The following LINGO1 variants were observed in gnomAD, a reference collection of about 807,000 sequenced individuals.
LINGO1 encodes leucine-rich repeat and immunoglobulin-like domain-containing nogo receptor-interacting protein 1.
LINGO1 carries 11 observed loss-of-function variants against 37.3 expected under a neutral mutation model. The observed-to-expected ratio is 0.29, with a 90% CI of 0.19 to 0.49. The LOEUF (loss-of-function observed/expected upper bound fraction) is 0.49. Among genes scored for constraint, LINGO1 ranks in the 20% least tolerant of loss-of-function variants. The pLI, the probability that LINGO1 is intolerant of heterozygous loss-of-function variation, is 0.99. For synonymous variants in LINGO1, 387 were observed against 403.0 expected (o/e 0.96, Z 0.48); for missense variants, 585 against 878.2 (o/e 0.67, Z 4.22).
In LINGO1 at chr15:77,649,876, C is replaced by A. The variant is rs144628695; in HGVS notation, c.-13+27213G>T. 8.8e-3 allele frequency among the ~76,000 whole-genome samples: 1,343 copies of A among 152,050 alleles called. 8 individuals are homozygous for A. Among genetic ancestry groups the A allele is most frequent in the Middle Eastern group, 0.017 (5 of 294 alleles). On this transcript the variant is annotated intron_variant, in intron 3 of 3. Coordinates refer to the LINGO1 transcript ENST00000559893. ...AAGGGTGGAGATCTTTTCCCCGCGA[C>A]TCCTACCACCAACTCTGTCACCCCA...
At chr15:77,656,876 C>T (rs868810578) in intron 3 of LINGO1, among the ~76,000 whole-genome samples, 15 of 152,202 alleles carry the variant, frequency 9.9e-5, no homozygotes, top group South Asian at 2.1e-4. Context: ...GGCACCCTGG[C>T]TGCCAGCCCC....
At chr15:77,685,683 C>T (rs1356523099) in intron 2 of LINGO1, among the ~76,000 whole-genome samples, 1 of 135,428 alleles carries the variant, frequency 7.4e-6, no homozygotes, top group South Asian at 2.3e-4. Flanking sequence ...CATAGTGAGA[C>T]CCCGTCTTAA....
At chr15:77,660,486 C>T (rs1039670772) in intron 3 of LINGO1, among the ~76,000 whole-genome samples, 4 of 152,168 alleles carry the variant, frequency 2.6e-5, no homozygotes, top group Admixed American at 1.3e-4. Context: ...TCTCCCGAGG[C>T]GACCTCAGCA....
Position 77,721,768 on chromosome 15 carries a change from G to A in LINGO1, c.-195+13224C>T, listed in dbSNP as rs542854980. Reference sequence around the variant, plus strand: ...CCTTGGGCTTGGGGACCAGGCTTGGGGCAGCTCTCAGGATGTATGACCTCG... The same window carrying A: ...CCTTGGGCTTGGGGACCAGGCTTGGAGCAGCTCTCAGGATGTATGACCTCG... On this transcript the variant is annotated intron_variant, in intron 2 of 3. Coordinates refer to the LINGO1 transcript ENST00000561686. 2.6e-5 allele frequency among the ~76,000 whole-genome samples: 4 copies of A among 152,158 alleles called. No homozygotes were observed. The South Asian group carries it at 6.2e-4, about 24-fold the overall frequency.
At chr15:77,702,868 T>C (rs2075802553) in intron 2 of LINGO1, among the ~76,000 whole-genome samples, 1 of 152,196 alleles carries the variant, frequency 6.6e-6, no homozygotes, top group Admixed American at 6.5e-5. Flanking sequence ...ACAATGCAGC[T>C]CTTGCTCCCT....
rs144278235 is a variant in LINGO1, at chr15:77,647,845, T to C, written c.-13+29244A>G. On this transcript the variant is annotated intron_variant, in intron 3 of 3. Coordinates refer to the LINGO1 transcript ENST00000559893. ...TTTTCTTTTTGGCCCTCAGCACTTTTCCTGGAAGGGAACAGCTGGGCTGCT... is the reference window on the plus strand; with the variant it reads ...TTTTCTTTTTGGCCCTCAGCACTTTCCCTGGAAGGGAACAGCTGGGCTGCT... 5.2e-4 allele frequency: 237 copies of C among 456,634 alleles called. 1 individual carries two copies. Among genetic ancestry groups the C allele is most frequent in the Admixed American group, 4.0e-3 (172 of 42,574 alleles). The allele number at this position is 456,634 out of a possible 1,614,324, so 28.3% of individuals were successfully genotyped here.
intron 1 of LINGO1, among the ~76,000 whole-genome samples, chr15:77,804,701 C>G (rs1474279047): frequency 1.3e-5 from 2 of 152,170 alleles, no homozygotes; most frequent in Non-Finnish European, 2.9e-5. Flanking sequence ...TGCAGTCTGC[C>G]CACCCAGCAG....
intron 2 of LINGO1, among the ~76,000 whole-genome samples, chr15:77,794,812 G>A (rs1374128548): frequency 2.6e-5 from 4 of 151,712 alleles, no homozygotes; most frequent in East Asian, 1.9e-4. Flanking sequence ...GGATGGTCTC[G>A]ATCTCCTGAC....
intron 1 of LINGO1, among the ~76,000 whole-genome samples, chr15:77,776,359 A>G (rs146467383): frequency 6.7e-6 from 1 of 149,502 alleles, no homozygotes; most frequent in East Asian, 2.0e-4. Context: ...CCCCTCCACC[A>G]TGGATTCCCT....
At chr15:77,623,733 G>A (rs1489877479) in intron 1 of LINGO1, among the ~76,000 whole-genome samples, 4 of 143,310 alleles carry the variant, frequency 2.8e-5, no homozygotes, top group Non-Finnish European at 4.5e-5. Flanking sequence ...AAAAACCAAC[G>A]TGGAAGAAAA....
At chr15:77,682,914 G>A (rs1407368140) in intron 2 of LINGO1, among the ~76,000 whole-genome samples, 1 of 152,122 alleles carries the variant, frequency 6.6e-6, no homozygotes, top group Non-Finnish European at 1.5e-5. Context: ...GCTTCTCTAT[G>A]ACCAAAGATA....
chr15:77,777,370 TACAC>T (rs2076668092), intron 1 of LINGO1, among the ~76,000 whole-genome samples: 1 of 36,140 alleles, frequency 2.8e-5, no homozygotes, highest in Admixed American at 2.3e-4. Context: ...CATACACATA[TACAC>T]ACACAAATAC....
rs2076943891 is a variant in LINGO1 at position 77,804,487 on chromosome 15, C to T, written c.-457-8434G>A. Among the ~76,000 whole-genome samples the T allele has an allele frequency of 4.6e-5, 7 of 152,142 alleles. No homozygotes were observed. In the South Asian group the frequency reaches 8.3e-4, roughly 18 times the overall value. On this transcript the variant is annotated intron_variant, in intron 1 of 5. Coordinates refer to the LINGO1 transcript ENST00000562933. ...GGGGTGAGCTCCCCATCGGGGAGGGCGAGAGCACAGGCTGGATAGGCAGAG... is the reference window on the plus strand; with the variant it reads ...GGGGTGAGCTCCCCATCGGGGAGGGTGAGAGCACAGGCTGGATAGGCAGAG...
At chr15:77,725,427 G>A (rs1567549019) in intron 2 of LINGO1, among the ~76,000 whole-genome samples, 2 of 152,106 alleles carry the variant, frequency 1.3e-5, no homozygotes, top group South Asian at 4.1e-4. Flanking sequence ...GCACAGTGGC[G>A]TTGCACCCAA....
intron 1 of LINGO1, among the ~76,000 whole-genome samples, chr15:77,742,478 G>A (rs953721885): frequency 1.2e-4 from 18 of 152,220 alleles, no homozygotes; most frequent in African/African-American, 4.1e-4. Flanking sequence ...CTAAGGTGCA[G>A]GGTGGGGATG....
intron 1 of LINGO1, among the ~76,000 whole-genome samples, chr15:77,756,471 A>T (rs1170243629): frequency 1.4e-5 from 2 of 140,840 alleles, no homozygotes; most frequent in Non-Finnish European, 3.0e-5. Context: ...CTGACATACA[A>T]TGACAGACAG....
At chr15:77,812,987 G>A (rs527706818) in intron 1 of LINGO1, among the ~76,000 whole-genome samples, 1 of 152,234 alleles carries the variant, frequency 6.6e-6, no homozygotes, top group South Asian at 2.1e-4. Flanking sequence ...GAGGCCCCAA[G>A]GGAGGCACTG....
chr15:77,683,027 T>A (rs1352053143), intron 2 of LINGO1, among the ~76,000 whole-genome samples: 7 of 152,164 alleles, frequency 4.6e-5, no homozygotes, highest in Admixed American at 4.6e-4. Context: ...AAAGCTCTTT[T>A]ATATCAATAA....
intron 1 of LINGO1, among the ~76,000 whole-genome samples, chr15:77,798,137 T>A (rs1281910520): frequency 2.0e-5 from 3 of 152,182 alleles, no homozygotes; most frequent in Non-Finnish European, 2.9e-5. Flanking sequence ...CATCTCCCAC[T>A]GGTTGTTGAT....
Sources: allele counts gnomAD v4.1 joint callset (sites outside exome capture counted in the v4.1 genomes callset), GRCh38; gene constraint gnomAD v4.1.1; transcripts MANE v1.5; gene names NCBI Gene and HGNC (gene_info 2026-07-23, HGNC 2026-07-21).